Variants in PTPRM observed in about 807,000 individuals in gnomAD.
The protein encoded by PTPRM is receptor-type tyrosine-protein phosphatase mu.
In PTPRM, 47 loss-of-function variants were observed where a neutral mutation model predicts 186.7. That is an observed-to-expected ratio of 0.25 (90% CI 0.20 to 0.32). The LOEUF is 0.32. PTPRM is among the 10% of genes least tolerant of loss of function. The pLI, the probability that PTPRM is intolerant of heterozygous loss-of-function variation, is 1.00. For missense variants in PTPRM, 1,494 were observed against 1,865.0 expected, an observed-to-expected ratio of 0.80 and a Z score of 3.66; for synonymous variants, 668 against 674.9, an observed-to-expected ratio of 0.99 and a Z score of 0.16.
At chr18:7,692,834 T>C (rs1455562227) in intron 1 of PTPRM, among the ~76,000 whole-genome samples, 1 of 152,218 alleles carries the variant, frequency 6.6e-6, no homozygotes, top group African/African-American at 2.4e-5. Flanking sequence ...ATGGCATTAT[T>C]GTGATGTATA....
intron 14 of PTPRM, among the ~76,000 whole-genome samples, chr18:8,207,436 G>A (rs891788092): frequency 9.9e-5 from 15 of 152,236 alleles, no homozygotes; most frequent in African/African-American, 2.9e-4. Flanking sequence ...AAATATTTGG[G>A]CACTACCTAC....
intron 31 of PTPRM, among the ~76,000 whole-genome samples, chr18:8,393,606 T>G (rs544117202): frequency 6.6e-6 from 1 of 152,348 alleles, no homozygotes; most frequent in African/African-American, 2.4e-5. Context: ...AGCATCACGT[T>G]CTTGGTTTGC....
chr18:8,111,469 C>T (rs184826505), intron 11 of PTPRM, among the ~76,000 whole-genome samples: 1,849 of 152,014 alleles, frequency 0.012, 41 homozygotes, highest in African/African-American at 0.042. Context: ...CAAAATTAGC[C>T]GGGTGTGGTG....
chr18:8,347,516 T>G (rs694406), intron 23 of PTPRM, among the ~76,000 whole-genome samples: 129,144 of 152,148 alleles, frequency 0.85, 55,531 homozygotes, highest in Middle Eastern at 0.96. Flanking sequence ...GGCACAATTT[T>G]CAGGGAGCCA....
At chr18:7,767,479 A>C (rs2042068561) in intron 1 of PTPRM, among the ~76,000 whole-genome samples, 1 of 152,166 alleles carries the variant, frequency 6.6e-6, no homozygotes, top group African/African-American at 2.4e-5. Flanking sequence ...CTGAAGCTTC[A>C]GTAGGATGTA....
At chr18:8,383,096 G>A (rs982924680) in intron 29 of PTPRM, among the ~76,000 whole-genome samples, 18 of 151,612 alleles carry the variant, frequency 1.2e-4, no homozygotes, top group African/African-American at 3.4e-4. Context: ...TCAAGAGATC[G>A]AGACCATCCT....
In PTPRM at chr18:8,312,191, C is replaced by A. The variant is rs2095273769; in HGVS notation, c.2843-2590C>A. 2.6e-5 allele frequency among the ~76,000 whole-genome samples: 4 copies of A among 152,136 alleles called. No homozygotes were observed. The South Asian group carries it at 8.3e-4, about 32-fold the overall frequency. On this transcript the variant is annotated intron_variant, in intron 20 of 32. Transcript: ENST00000580170. ...CATTCTTGAAGTTCAAATGGCATTG[C>A]CGGTGCTTGTGGCACCCTTCTGTGC...
At chr18:7,719,674 C>T (rs1330798709) in intron 1 of PTPRM, among the ~76,000 whole-genome samples, 1 of 152,102 alleles carries the variant, frequency 6.6e-6, no homozygotes. Flanking sequence ...GAGAGGCATT[C>T]CTATTAAGTT....
At chr18:7,901,390 C>T (rs763046658) in intron 3 of PTPRM, among the ~76,000 whole-genome samples, 9 of 151,066 alleles carry the variant, frequency 6.0e-5, no homozygotes, top group African/African-American at 7.3e-5. Flanking sequence ...TTTTTGATAA[C>T]GGAGTCTTAC....
At chr18:8,097,104 G>A (rs999518450) in intron 11 of PTPRM, among the ~76,000 whole-genome samples, 3 of 152,062 alleles carry the variant, frequency 2.0e-5, no homozygotes, top group South Asian at 2.1e-4. Flanking sequence ...GCACTTATAA[G>A]TATACTCAAT....
intron 3 of PTPRM, among the ~76,000 whole-genome samples, chr18:7,898,568 G>A (rs1412363340): frequency 1.3e-5 from 2 of 152,166 alleles, no homozygotes; most frequent in Non-Finnish European, 2.9e-5. Flanking sequence ...GCAAATGAGA[G>A]CAATAGTCAG....
At chr18:7,618,174 A>G (rs1242115642) in intron 1 of PTPRM, among the ~76,000 whole-genome samples, 1 of 152,190 alleles carries the variant, frequency 6.6e-6, no homozygotes, top group Non-Finnish European at 1.5e-5. Flanking sequence ...CACTCAAAAA[A>G]CTTTTCTGGA....
intron 5 of PTPRM, among the ~76,000 whole-genome samples, chr18:7,948,477 AATATATGGGGATAATAAAAGACC>A (rs1379821463): frequency 6.6e-6 from 1 of 152,210 alleles, no homozygotes; most frequent in Non-Finnish European, 1.5e-5. Context: ...AGGGTTACTT[AATATATGGGGATAATAAAAGACC>A]ATATATGGGG....
intron 13 of PTPRM, among the ~76,000 whole-genome samples, chr18:8,117,296 G>C (rs1263813118): frequency 6.6e-6 from 1 of 152,168 alleles, no homozygotes; most frequent in African/African-American, 2.4e-5. Flanking sequence ...GCCACATACT[G>C]CTCACAGTGC....
At chr18:8,220,360 A>T (rs1489709309) in intron 14 of PTPRM, among the ~76,000 whole-genome samples, 1 of 152,196 alleles carries the variant, frequency 6.6e-6, no homozygotes, top group Non-Finnish European at 1.5e-5. Flanking sequence ...CATTTATCAG[A>T]GTTCTTTTAC....
intron 23 of PTPRM, among the ~76,000 whole-genome samples, chr18:8,353,454 T>A (rs898172584): frequency 6.6e-6 from 1 of 151,954 alleles, no homozygotes; most frequent in African/African-American, 2.4e-5. Context: ...AGGCTCTAGG[T>A]GAAAGATGAT....
intron 32 of PTPRM, among the ~76,000 whole-genome samples, chr18:8,401,076 C>A (rs904869712): frequency 6.6e-6 from 1 of 152,062 alleles, no homozygotes. Context: ...CCCATCCTGC[C>A]CCCTACACTC....
At chr18:8,119,104 A>G (rs572314998) in intron 13 of PTPRM, among the ~76,000 whole-genome samples, 36 of 152,248 alleles carry the variant, frequency 2.4e-4, no homozygotes, top group African/African-American at 8.2e-4. Context: ...TTTTTCATGA[A>G]AAAGTTATTC....
At chr18:8,017,769 C>G (rs1203336418) in intron 7 of PTPRM, 1 of 152,002 alleles carries the variant, frequency 6.6e-6, no homozygotes, top group Non-Finnish European at 1.5e-5. Context: ...ATCACAAAGG[C>G]CACTGTTGCT....
Sources: gnomAD v4.1 joint callset for allele counts (sites outside exome capture counted in the v4.1 genomes callset) on GRCh38, gnomAD v4.1.1 for gene constraint, MANE v1.5 for transcripts, NCBI Gene and HGNC (gene_info 2026-07-23, HGNC 2026-07-21) for gene names.